FER1L6: variants seen among roughly 807,000 people sequenced by gnomAD.
FER1L6 encodes fer-1 like family member 6, also known as fer-1-like protein 6.
FER1L6 carries 177 observed loss-of-function variants against 219.2 expected under a neutral mutation model. The observed-to-expected ratio is 0.81, with a 90% CI of 0.71 to 0.91. FER1L6 has a LOEUF of 0.91. Among genes scored for constraint, FER1L6 ranks in the 40% least tolerant of loss-of-function variants. The pLI, the probability that FER1L6 is intolerant of heterozygous loss-of-function variation, is 0.00. For synonymous variants in FER1L6, 768 were observed against 824.3 expected (o/e 0.93, Z 1.17); for missense variants, 2,153 against 2,259.9 (o/e 0.95, Z 0.96).
At chr8:123,885,049 C>A (rs1377515788) in intron 1 of FER1L6, among the ~76,000 whole-genome samples, 1 of 152,160 alleles carries the variant, frequency 6.6e-6, no homozygotes, top group African/African-American at 2.4e-5. Flanking sequence ...GAGGCAGAGA[C>A]TGGAGTGATG....
intron 12 of FER1L6, among the ~76,000 whole-genome samples, chr8:123,988,650 C>G (rs1816707980): frequency 6.6e-6 from 1 of 152,146 alleles, no homozygotes; most frequent in African/African-American, 2.4e-5. Context: ...TATAGAAATG[C>G]TACTAATTTT....
intron 1 of FER1L6, chr8:123,926,032 A>G (rs185622913): frequency 2.3e-4 from 35 of 152,340 alleles, no homozygotes; most frequent in African/African-American, 7.9e-4. Flanking sequence ...AAAAGGCGTT[A>G]AAGTTCTCAC....
At chr8:123,894,562 G>T (rs1049684894) in intron 1 of FER1L6, among the ~76,000 whole-genome samples, 6 of 152,248 alleles carry the variant, frequency 3.9e-5, no homozygotes, top group African/African-American at 1.4e-4. Flanking sequence ...ATTAAAACAC[G>T]GGTACATGTT....
At position 124,060,220 on chromosome 8, in the gene FER1L6, C is replaced by T. The variant is rs1820498510; in HGVS notation, c.2915C>T (p.Pro972Leu). ...SGLQGLPPVE[P>L]PDITQIYPVP... The stretch of plus-strand genomic sequence containing the variant: ...CTGCAAGGCCTCCCACCCGTTGAGC[C>T]ACCAGACATCACCCAGATCTACCCG... Residue 972 changes from proline (P) to leucine (L), a missense_variant, in exon 23 of 41, where the codon CCA (proline) becomes CTA (leucine). Physicochemically the swap from Pro to Leu is moderately conservative, Grantham distance 98. Transcript: ENST00000522917. 4.3e-6 allele frequency: 7 copies of T among 1,613,454 alleles called. No homozygotes were observed. In the South Asian group the frequency reaches 6.6e-5, roughly 15 times the overall value.
At chr8:124,089,951 T>G (rs1821955481) in intron 33 of FER1L6, among the ~76,000 whole-genome samples, 1 of 152,218 alleles carries the variant, frequency 6.6e-6, no homozygotes, top group South Asian at 2.1e-4. Context: ...CAATTTGCCT[T>G]CCTGAATTTT....
rs752129656 is a variant in FER1L6 at position 123,975,253 on chromosome 8, T to A, written c.630T>A (p.Gly210=). ...LKCDISVMGK[G]DVLKTSPKTS... ...GTGACATCAGTGTCATGGGAAAAGG[T>A]GATGTCTTGAAGACCAGCCCTAAAA... The change falls in exon 8 of 41, where the codon GGT becomes GGA. Residue 210 remains glycine (G), a synonymous_variant. Transcript: ENST00000522917. The A allele has an allele frequency of 6.2e-7, 1 of 1,613,210 alleles. No homozygotes were observed. Among genetic ancestry groups the A allele is most frequent in the East Asian group, 2.2e-5 (1 of 44,806 alleles).
At chr8:124,008,677 C>T (rs1252425932) in intron 13 of FER1L6, among the ~76,000 whole-genome samples, 1 of 152,136 alleles carries the variant, frequency 6.6e-6, no homozygotes, top group Non-Finnish European at 1.5e-5. Flanking sequence ...GCAAAAGTAA[C>T]AGCAGAGTAA....
At chr8:124,109,448 A>G (rs779966929) in intron 39 of FER1L6, among the ~76,000 whole-genome samples, 1 of 151,876 alleles carries the variant, frequency 6.6e-6, no homozygotes, top group African/African-American at 2.4e-5. Flanking sequence ...ACCCGTGCAA[A>G]CTCCCAGCTT....
chr8:123,865,644 G>C (rs559136891), intron 1 of FER1L6, among the ~76,000 whole-genome samples: 1 of 151,200 alleles, frequency 6.6e-6, no homozygotes, highest in Non-Finnish European at 1.5e-5. Context: ...TTCCGTGGGC[G>C]TAGGACCCTC....
chr8:123,874,718 T>C (rs569091915), intron 1 of FER1L6, among the ~76,000 whole-genome samples: 23 of 152,352 alleles, frequency 1.5e-4, no homozygotes, highest in East Asian at 3.9e-4. Flanking sequence ...CCAGTTGTTC[T>C]TCTCCATCAG....
In FER1L6 at chr8:124,021,477, C is replaced by T. The variant is rs150983913; in HGVS notation, c.2014-73C>T. On this transcript the variant is annotated intron_variant, in intron 16 of 40. Transcript: ENST00000522917. ...GTGGAGCTCACCAGGACCTTCAGGT[C>T]TCTTCAGCAACAGGACGCTGCTTGT... The T allele has an allele frequency of 1.9e-5, 30 of 1,588,412 alleles. 1 individual carries two copies. The East Asian group carries it at 6.5e-4, about 35-fold the overall frequency.
chr8:123,852,471 CGTGTGTGTGTGTGTGTGTGTGTGT>C lies in FER1L6; in HGVS notation c.-8+305_-8+328del, dbSNP rs61303449. ...GCTTGAACTCCATGTTGTGAGCATGCGTGTGTGTGTGTGTGTGTGTGTGTGTGTGTGTGTGTGTGTGTTTGACAG... is the reference window on the plus strand; with the variant it reads ...GCTTGAACTCCATGTTGTGAGCATGCGTGTGTGTGTGTGTGTGTTTGACAG... On this transcript the variant is annotated intron_variant, in intron 1 of 40. Transcript: ENST00000522917. The surrounding 1 kb of genome is among the most constrained non-coding windows in gnomAD (Gnocchi z 4.9). Among the ~76,000 whole-genome samples the C allele has an allele frequency of 7.1e-6, 1 of 139,950 alleles. No homozygotes were observed. The highest frequency in any genetic ancestry group is 7.2e-5 in the Admixed American group (1 of 13,862). The allele number at this position is 139,950 out of a possible 152,430, so 91.8% of individuals were successfully genotyped here.
intron 22 of FER1L6, among the ~76,000 whole-genome samples, chr8:124,054,675 C>G (rs536055794): frequency 6.6e-6 from 1 of 152,064 alleles, no homozygotes; most frequent in Non-Finnish European, 1.5e-5. Context: ...CCTTTAGATG[C>G]GGAGGGAAGA....
At chr8:123,967,501 A>G (rs536614153) in intron 5 of FER1L6, among the ~76,000 whole-genome samples, 1 of 152,366 alleles carries the variant, frequency 6.6e-6, no homozygotes, top group South Asian at 2.1e-4. Flanking sequence ...TTATAATAGT[A>G]TAACTGGGTC....
intron 1 of FER1L6, among the ~76,000 whole-genome samples, chr8:123,887,607 T>C (rs1434020463): frequency 6.6e-6 from 1 of 152,182 alleles, no homozygotes; most frequent in Non-Finnish European, 1.5e-5. Context: ...TTAAAGGAAT[T>C]TCCATTTGCA....
At chr8:124,061,045 G>A (rs1820545484) in intron 24 of FER1L6, among the ~76,000 whole-genome samples, 1 of 152,118 alleles carries the variant, frequency 6.6e-6, no homozygotes, top group African/African-American at 2.4e-5. Flanking sequence ...ACTATTGCAG[G>A]GAAGGCCAGA....
intron 1 of FER1L6, among the ~76,000 whole-genome samples, chr8:123,954,877 C>G (rs1217002208): frequency 6.6e-6 from 1 of 152,174 alleles, no homozygotes; most frequent in Non-Finnish European, 1.5e-5. Context: ...CTGCCGTCTC[C>G]TCCCTTCGCC....
intron 12 of FER1L6, among the ~76,000 whole-genome samples, chr8:123,990,072 T>C (rs1305961250): frequency 2.6e-5 from 4 of 152,086 alleles, no homozygotes; most frequent in Non-Finnish European, 5.9e-5. Context: ...ATCGAGATCA[T>C]CCTGGCTAAC....
chr8:123,975,216 G>A lies in FER1L6; in HGVS notation c.593G>A (p.Gly198Glu). 1 of 1,612,908 alleles carries A rather than the reference G, an allele frequency of 6.2e-7. No individual in the cohort carries two copies. Among genetic ancestry groups the A allele is most frequent in the African/African-American group, 1.3e-5 (1 of 74,996 alleles). Residue 198 changes from glycine (G) to glutamate (E), a missense_variant, in exon 8 of 41, where the codon GGG (glycine) becomes GAG (glutamate). Coordinates refer to ENST00000522917, the MANE Select transcript of FER1L6 (RefSeq NM_001039112.2). ...GGTGACATCAGGACTGGCACCAAGG[G>A]GTACCTGAAATGTGACATCAGTGTC... ...DPGDIRTGTK[G>E]YLKCDISVMG...
Sources: gnomAD v4.1 joint callset for allele counts (sites outside exome capture counted in the v4.1 genomes callset) on GRCh38, gnomAD v4.1.1 for gene constraint, Gnocchi (gnomAD v3.1) non-coding constraint, MANE v1.5 for transcripts, NCBI Gene and HGNC (gene_info 2026-07-23, HGNC 2026-07-21) for gene names.